CD2AP: variants seen among roughly 807,000 people sequenced by gnomAD.
CD2AP encodes the protein CD2-associated protein.
Under a neutral mutation model 85.1 loss-of-function variants are expected in CD2AP, and 46 were observed. That is an observed-to-expected ratio of 0.54 (90% CI 0.43 to 0.69). The LOEUF (loss-of-function observed/expected upper bound fraction) is 0.69. CD2AP is among the 30% of genes least tolerant of loss of function. CD2AP has a pLI of 0.00. For missense variants in CD2AP, 769 were observed against 729.5 expected, an observed-to-expected ratio of 1.05 and a Z score of -0.62; for synonymous variants, 255 against 252.9, an observed-to-expected ratio of 1.01 and a Z score of -0.08.
intron 8 of CD2AP, among the ~76,000 whole-genome samples, chr6:47,578,583 TAAG>T (rs1768374584): frequency 6.6e-6 from 1 of 152,152 alleles, no homozygotes; most frequent in Admixed American, 6.5e-5. Flanking sequence ...TTAAAAGTGT[TAAG>T]AAGGATACAG....
At position 47,478,119 on chromosome 6, in the gene CD2AP, T is replaced by C. The variant is rs1351720496; in HGVS notation, c.-126T>C. ...GATGGAGGCGACTCTTCGCCCCGCCTGAGCTCAGGAGGGGCTAGCGCGGAG... is the reference window on the plus strand; with the variant it reads ...GATGGAGGCGACTCTTCGCCCCGCCCGAGCTCAGGAGGGGCTAGCGCGGAG... On this transcript the variant is annotated 5_prime_UTR_variant, in exon 1 of 18. An upstream open reading frame in the 5' UTR loses its in-frame stop. Transcript: ENST00000359314. 7 of 1,268,672 alleles carry C rather than the reference T, an allele frequency of 5.5e-6. No homozygotes were observed. Among genetic ancestry groups the C allele is most frequent in the African/African-American group, 4.5e-5 (3 of 67,174 alleles). The allele number at this position is 1,268,672 out of a possible 1,614,324, so 78.6% of individuals were successfully genotyped here.
intron 2 of CD2AP, among the ~76,000 whole-genome samples, chr6:47,525,243 T>C (rs903312214): frequency 1.3e-5 from 2 of 152,152 alleles, no homozygotes; most frequent in East Asian, 1.9e-4. Context: ...CCTTATTCTT[T>C]AGTAATACCA....
At chr6:47,479,797 C>T (rs1765399419) in intron 1 of CD2AP, among the ~76,000 whole-genome samples, 1 of 151,664 alleles carries the variant, frequency 6.6e-6, no homozygotes, top group South Asian at 2.1e-4. Context: ...AATATTTGTT[C>T]GCATTTTGAA....
chr6:47,553,513 A>ATTTTTTTTTTTTTTTTTTTTTTTTTT (rs148273065), intron 4 of CD2AP, among the ~76,000 whole-genome samples: 1 of 110,516 alleles, frequency 9.0e-6, no homozygotes, highest in Non-Finnish European at 1.8e-5. Context: ...CACCTAGTGA[A>ATTTTTTTTTTTTTTTTTTTTTTTTTT]TTTTTTTTTT....
At chr6:47,499,630 A>G (rs1037265927) in intron 1 of CD2AP, among the ~76,000 whole-genome samples, 1 of 151,988 alleles carries the variant, frequency 6.6e-6, no homozygotes, top group Admixed American at 6.5e-5. Context: ...CCAGTTTATG[A>G]TGGGTCTTTC....
At chr6:47,483,611 T>C (rs974710937) in intron 1 of CD2AP, among the ~76,000 whole-genome samples, 2 of 152,196 alleles carry the variant, frequency 1.3e-5, no homozygotes, top group Non-Finnish European at 2.9e-5. Flanking sequence ...CCTAAGCTTA[T>C]GTATTTTCTG....
chr6:47,598,883 T>C (rs1169389649), intron 12 of CD2AP, among the ~76,000 whole-genome samples: 1 of 150,372 alleles, frequency 6.7e-6, no homozygotes, highest in East Asian at 1.9e-4. Context: ...ATGCCACCTG[T>C]TTCTCAAAAA....
chr6:47,569,546 G>A (rs1768094712), intron 5 of CD2AP, among the ~76,000 whole-genome samples: 1 of 151,468 alleles, frequency 6.6e-6, no homozygotes, highest in Non-Finnish European at 1.5e-5. Flanking sequence ...CGGGCAACTA[G>A]ATGGATGCAT....
chr6:47,513,747 TGG>T (rs1766378181), intron 2 of CD2AP, among the ~76,000 whole-genome samples: 1 of 152,110 alleles, frequency 6.6e-6, no homozygotes, highest in Admixed American at 6.5e-5. Flanking sequence ...ACATCTTTTT[TGG>T]GGTATGTGTA....
intron 11 of CD2AP, among the ~76,000 whole-genome samples, chr6:47,589,466 A>G (rs944668395): frequency 6.6e-6 from 1 of 150,958 alleles, no homozygotes; most frequent in African/African-American, 2.4e-5. Context: ...ATACATATAT[A>G]CACACACATA....
chr6:47,574,013 A>G (rs1440188505), intron 5 of CD2AP, 51 bp from the exon 6 acceptor site: 3 of 1,475,476 alleles, frequency 2.0e-6, no homozygotes, highest in Middle Eastern at 1.7e-4. Flanking sequence ...CAGGATGTCA[A>G]GCGTTTTGTG....
At chr6:47,489,836 G>C (rs1271414839) in intron 1 of CD2AP, among the ~76,000 whole-genome samples, 1 of 152,114 alleles carries the variant, frequency 6.6e-6, no homozygotes, top group Non-Finnish European at 1.5e-5. Flanking sequence ...GAAGATTGTT[G>C]AGTTAAACAG....
intron 11 of CD2AP, among the ~76,000 whole-genome samples, chr6:47,589,411 C>CACACACACAA (rs1768716706): frequency 1.4e-5 from 2 of 147,134 alleles, no homozygotes; most frequent in Non-Finnish European, 3.0e-5. Flanking sequence ...TATACACACA[C>CACACACACAA]ATATATATAC....
chr6:47,585,418 G>A (rs565685066), intron 11 of CD2AP, among the ~76,000 whole-genome samples: 105 of 152,234 alleles, frequency 6.9e-4, no homozygotes, highest in African/African-American at 2.5e-3. Context: ...CTGGAAAATT[G>A]GACAAAATGT....
At chr6:47,509,404 G>T (rs1162712487) in intron 2 of CD2AP, among the ~76,000 whole-genome samples, 1 of 151,158 alleles carries the variant, frequency 6.6e-6, no homozygotes, top group Non-Finnish European at 1.5e-5. Flanking sequence ...TGATGGGCTT[G>T]CTTGACACAG....
intron 3 of CD2AP, among the ~76,000 whole-genome samples, chr6:47,540,020 A>C (rs2114036911): frequency 6.6e-6 from 1 of 151,066 alleles, no homozygotes; most frequent in East Asian, 1.9e-4. Flanking sequence ...TCTACAAAAA[A>C]AAAAATACAA....
At chr6:47,587,878 C>A (rs1768673788) in intron 11 of CD2AP, among the ~76,000 whole-genome samples, 1 of 152,288 alleles carries the variant, frequency 6.6e-6, no homozygotes, top group African/African-American at 2.4e-5. Context: ...TGGTTCTATA[C>A]TTTCACTGGT....
chr6:47,546,807 G>A (rs538136711), intron 4 of CD2AP, among the ~76,000 whole-genome samples: 1 of 152,262 alleles, frequency 6.6e-6, no homozygotes, highest in East Asian at 1.9e-4. Context: ...ATAAAGGACA[G>A]TCTATCAAAT....
chr6:47,517,924 T>C (rs1192276107), intron 2 of CD2AP, among the ~76,000 whole-genome samples: 4 of 152,252 alleles, frequency 2.6e-5, no homozygotes. Context: ...CTTCGCTTAC[T>C]AAATTTAATG....
Sources: gnomAD v4.1 joint callset for allele counts (sites outside exome capture counted in the v4.1 genomes callset) on GRCh38, gnomAD v4.1.1 for gene constraint, MANE v1.5 for transcripts, NCBI Gene and HGNC (gene_info 2026-07-23, HGNC 2026-07-21) for gene names.